Variants in PCDH15 observed in about 807,000 individuals in gnomAD.
PCDH15 encodes the protein protocadherin related 15.
PCDH15 carries 129 observed loss-of-function variants against 178.5 expected under a neutral mutation model. The ratio of observed to expected loss-of-function variants is 0.72; its 90% CI spans 0.63 to 0.84. PCDH15 has a LOEUF of 0.84. Among genes scored for constraint, PCDH15 ranks in the 40% least tolerant of loss-of-function variants. The pLI is 0.00. For missense variants in PCDH15, 2,230 were observed against 2,099.9 expected (o/e 1.06, Z -1.21); for synonymous variants, 800 against 732.0 (o/e 1.09, Z -1.50).
At chr10:55,442,483 A>ATATATATATATATTATATATATATAT in intron 2 of PCDH15, among the ~76,000 whole-genome samples, 1 of 124,452 alleles carries the variant, frequency 8.0e-6, no homozygotes, top group African/African-American at 3.0e-5. Flanking sequence ...TATATATATT[A>ATATATATATATATTATATATATATAT]TATATATATA....
intron 23 of PCDH15, among the ~76,000 whole-genome samples, chr10:53,941,456 A>C (rs975364773): frequency 6.6e-6 from 1 of 152,164 alleles, no homozygotes; most frequent in African/African-American, 2.4e-5. Flanking sequence ...TCTTTCACTT[A>C]GTAATATGCA....
intron 2 of PCDH15, among the ~76,000 whole-genome samples, chr10:54,949,226 C>T (rs1443544067): frequency 6.6e-6 from 1 of 151,934 alleles, no homozygotes; most frequent in Non-Finnish European, 1.5e-5. Context: ...AATTGATACA[C>T]AGCTCAGCAT....
At chr10:54,797,734 TC>T (rs1952187272) in intron 1 of PCDH15, among the ~76,000 whole-genome samples, 1 of 152,048 alleles carries the variant, frequency 6.6e-6, no homozygotes, top group Non-Finnish European at 1.5e-5. Context: ...ATAATTGTTG[TC>T]CTTCGGACAG....
intron 2 of PCDH15, among the ~76,000 whole-genome samples, chr10:54,646,787 T>A (rs2094138502): frequency 6.6e-6 from 1 of 152,004 alleles, no homozygotes; most frequent in Non-Finnish European, 1.5e-5. Flanking sequence ...AAATGATATA[T>A]CACCTCATGC....
chr10:54,436,724 C>T (rs1019731945), intron 3 of PCDH15, among the ~76,000 whole-genome samples: 7 of 152,128 alleles, frequency 4.6e-5, no homozygotes, highest in Non-Finnish European at 8.8e-5. Flanking sequence ...AATCCCCAAA[C>T]ATAAAAACTG....
chr10:54,020,272 T>C lies in PCDH15; in HGVS notation c.2671A>G (p.Ser891Gly). The C allele has an allele frequency of 6.2e-7, 1 of 1,613,750 alleles. No homozygotes were observed. The highest frequency in any genetic ancestry group is 8.5e-7 in the Non-Finnish European group (1 of 1,179,776). Residue 891 changes from serine (S) to glycine (G), a missense_variant, in exon 20 of 38, where the codon AGT (serine) becomes GGT (glycine). Ser to Gly is a moderately conservative substitution (Grantham distance 56). Transcript: ENST00000644397. ...DYEAFPDQEASITFLVEAFDI... is the reference protein window; with the variant it reads ...DYEAFPDQEAGITFLVEAFDI... Reference sequence around the variant, plus strand: ...AAGGCCTCTACCAGAAAAGTGATACTTGCTTCTTGGTCTGGAAATGCCTCA... The same window carrying C: ...AAGGCCTCTACCAGAAAAGTGATACCTGCTTCTTGGTCTGGAAATGCCTCA...
At chr10:54,428,566 T>C (rs896409885) in intron 3 of PCDH15, among the ~76,000 whole-genome samples, 10 of 152,220 alleles carry the variant, frequency 6.6e-5, no homozygotes, top group African/African-American at 2.4e-4. Flanking sequence ...CAGACCTCTC[T>C]TCCGTGCTTC....
chr10:54,739,790 T>G (rs2132783422), intron 1 of PCDH15, among the ~76,000 whole-genome samples: 1 of 152,008 alleles, frequency 6.6e-6, no homozygotes, highest in Non-Finnish European at 1.5e-5. Context: ...GATAAACAAA[T>G]ACTTTTCAAT....
intron 2 of PCDH15, among the ~76,000 whole-genome samples, chr10:54,642,658 T>C (rs375759655): frequency 1.3e-5 from 2 of 152,214 alleles, no homozygotes; most frequent in East Asian, 3.9e-4. Context: ...AAAGACATTA[T>C]GACTATTCCA....
chr10:55,607,805 A>G (rs1339405378), intron 2 of PCDH15, among the ~76,000 whole-genome samples: 8 of 148,344 alleles, frequency 5.4e-5, no homozygotes, highest in Non-Finnish European at 9.0e-5. Flanking sequence ...GCTAGATGAC[A>G]AGTTAGTGGG....
intron 27 of PCDH15, among the ~76,000 whole-genome samples, chr10:53,865,123 T>C (rs1477867831): frequency 1.3e-5 from 2 of 152,124 alleles, no homozygotes; most frequent in Admixed American, 6.6e-5. Flanking sequence ...ACAACGATAC[T>C]AATTATAGAA....
At chr10:53,961,114 A>G (rs573213666) in intron 22 of PCDH15, among the ~76,000 whole-genome samples, 1 of 151,008 alleles carries the variant, frequency 6.6e-6, no homozygotes, top group African/African-American at 2.5e-5. Flanking sequence ...AGATATATGC[A>G]AAGATTAACA....
rs191866822 is a variant in PCDH15 at position 54,700,024 on chromosome 10, C to T, written c.-28-35734G>A. Among the ~76,000 whole-genome samples, 7 of 152,118 alleles carry T rather than the reference C, an allele frequency of 4.6e-5. No individual in the cohort carries two copies. The East Asian group carries it at 1.4e-3, about 29-fold the overall frequency. ...CCTCTCCATTGCAGCAGGTTCCCAG[C>T]ATGAAGGGGCTAAACTAACAAAGCT... On this transcript the variant is annotated intron_variant, in intron 1 of 37. Coordinates refer to ENST00000644397, the MANE Select transcript of PCDH15 (RefSeq NM_001384140.1).
At chr10:55,283,168 T>G (rs955144162) in intron 1 of PCDH15, among the ~76,000 whole-genome samples, 10 of 152,048 alleles carry the variant, frequency 6.6e-5, no homozygotes, top group Non-Finnish European at 1.2e-4. Context: ...GATCAGTGTT[T>G]GAGATATTTC....
intron 15 of PCDH15, among the ~76,000 whole-genome samples, chr10:54,094,894 A>C (rs1247971826): frequency 1.3e-5 from 2 of 152,218 alleles, no homozygotes; most frequent in Non-Finnish European, 2.9e-5. Context: ...CAATAGGGAA[A>C]CAAAAGTATT....
chr10:54,957,084 C>A (rs1838509496), intron 2 of PCDH15, among the ~76,000 whole-genome samples: 1 of 151,600 alleles, frequency 6.6e-6, no homozygotes, highest in African/African-American at 2.4e-5. Flanking sequence ...GCCCAGTGAT[C>A]ATTAACAAAT....
At chr10:54,754,823 T>C (rs989963456) in intron 1 of PCDH15, among the ~76,000 whole-genome samples, 6 of 152,068 alleles carry the variant, frequency 3.9e-5, no homozygotes. Flanking sequence ...CCAGAAAAAA[T>C]GACACAAGTC....
At chr10:54,515,317 A>G (rs2082099656) in intron 3 of PCDH15, among the ~76,000 whole-genome samples, 1 of 152,256 alleles carries the variant, frequency 6.6e-6, no homozygotes. Flanking sequence ...ACGGCACACC[A>G]GGAGATTATA....
chr10:54,076,306 T>G (rs2094341232), intron 17 of PCDH15, among the ~76,000 whole-genome samples: 1 of 152,186 alleles, frequency 6.6e-6, no homozygotes, highest in African/African-American at 2.4e-5. Flanking sequence ...TTTTGTACTC[T>G]GATACTTTGC....
Sources: gnomAD v4.1 joint callset for allele counts (sites outside exome capture counted in the v4.1 genomes callset) on GRCh38, gnomAD v4.1.1 for gene constraint, MANE v1.5 for transcripts, NCBI Gene and HGNC (gene_info 2026-07-23, HGNC 2026-07-21) for gene names.